Variants in PCDH11X observed in about 807,000 individuals in gnomAD.
PCDH11X encodes protocadherin-11 X-linked.
PCDH11X carries 18 observed loss-of-function variants against 53.3 expected under a neutral mutation model. The observed-to-expected ratio is 0.34, with a 90% confidence interval of 0.23 to 0.50. The LOEUF is 0.50. PCDH11X is among the 20% of genes least tolerant of loss of function. PCDH11X has a pLI of 0.98. For missense variants in PCDH11X, 570 were observed against 1,032.4 expected, an observed-to-expected ratio of 0.55 and a Z score of 6.14; for synonymous variants, 279 against 393.3, an observed-to-expected ratio of 0.71 and a Z score of 3.44.
At chrX:91,931,523 A>G (rs12833902) in intron 6 of PCDH11X, among the ~76,000 whole-genome samples, 19,035 of 110,184 alleles carry the variant, frequency 0.17, 1,234 homozygotes, top group East Asian at 0.24. Context: ...GTGGACACTG[A>G]CAGACTGCTC....
intron 9 of PCDH11X, among the ~76,000 whole-genome samples, chrX:92,422,134 C>CTTTTTTTTTTTTTTTTTTTTTTTTTTTT (rs67131959): frequency 1.2e-5 from 1 of 86,331 alleles, no homozygotes; most frequent in South Asian, 5.8e-4. Flanking sequence ...AATTTCTTTT[C>CTTTTTTTTTTTTTTTTTTTTTTTTTTTT]TTTTTTTTTT....
intron 9 of PCDH11X, among the ~76,000 whole-genome samples, chrX:92,457,837 T>G (rs920090619): frequency 9.4e-6 from 1 of 106,034 alleles, no homozygotes; most frequent in Non-Finnish European, 1.9e-5. Context: ...TTGAAATAAG[T>G]TCAAATTTTT....
intron 8 of PCDH11X, among the ~76,000 whole-genome samples, chrX:92,322,334 AT>A (rs2069234044): frequency 9.0e-6 from 1 of 111,085 alleles, no homozygotes; most frequent in East Asian, 2.9e-4. Context: ...ATTAACTGAT[AT>A]TGACTCAGTA....
At chrX:92,085,729 T>G (rs2063939682) in intron 6 of PCDH11X, among the ~76,000 whole-genome samples, 1 of 110,876 alleles carries the variant, frequency 9.0e-6, no homozygotes, top group African/African-American at 3.3e-5. Context: ...AAATAACACC[T>G]ATGCAAGAAA....
intron 8 of PCDH11X, among the ~76,000 whole-genome samples, chrX:92,316,793 T>G (rs2069086149): frequency 9.0e-6 from 1 of 110,629 alleles, no homozygotes; most frequent in African/African-American, 3.3e-5. Flanking sequence ...GGATTTAGAT[T>G]TGGTAGATTT....
chrX:91,806,814 C>T (rs1313579666), intron 1 of PCDH11X, among the ~76,000 whole-genome samples: 2 of 111,603 alleles, frequency 1.8e-5, no homozygotes, highest in African/African-American at 6.5e-5. Flanking sequence ...GTATCTACGC[C>T]ATCACATAGC....
intron 6 of PCDH11X, among the ~76,000 whole-genome samples, chrX:92,130,219 G>A (rs2064947025): frequency 9.0e-6 from 1 of 111,036 alleles, no homozygotes; most frequent in Non-Finnish European, 1.9e-5. Context: ...TTATTGTAAA[G>A]CATTTCACTT....
intron 7 of PCDH11X, among the ~76,000 whole-genome samples, chrX:92,211,001 A>G (rs2066575221): frequency 9.0e-6 from 1 of 111,073 alleles, no homozygotes; most frequent in African/African-American, 3.3e-5. Flanking sequence ...AACTGTTTCA[A>G]CCTCTGCCAG....
intron 6 of PCDH11X, among the ~76,000 whole-genome samples, chrX:91,922,718 G>A (rs904018680): frequency 1.5e-4 from 17 of 112,149 alleles, no homozygotes; most frequent in Non-Finnish European, 7.5e-5. Context: ...GTTTCATCCC[G>A]AAACCTACCT....
intron 5 of PCDH11X, among the ~76,000 whole-genome samples, chrX:91,861,683 T>C (rs1938683110): frequency 8.9e-6 from 1 of 111,937 alleles, no homozygotes. Flanking sequence ...TCTGCACAAT[T>C]CTGTGCTTGG....
At chrX:92,576,239 G>T (rs889910861) in intron 10 of PCDH11X, among the ~76,000 whole-genome samples, 1 of 98,428 alleles carries the variant, frequency 1.0e-5, no homozygotes, top group Non-Finnish European at 2.0e-5. Flanking sequence ...GTATATTTTT[G>T]GCAGATATAT....
intron 9 of PCDH11X, among the ~76,000 whole-genome samples, chrX:92,399,606 G>A (rs1199472547): frequency 8.9e-6 from 1 of 111,918 alleles, no homozygotes; most frequent in Non-Finnish European, 1.9e-5. Flanking sequence ...GTGCAGAAAA[G>A]CATTATAGAA....
intron 6 of PCDH11X, among the ~76,000 whole-genome samples, chrX:92,198,408 C>T (rs1217196695): frequency 3.8e-4 from 1 of 2,658 alleles, no homozygotes; most frequent in East Asian, 7.9e-3. Context: ...GAGATCCTGT[C>T]TCAAAAAAAA....
chrX:92,189,661 A>T (rs757197519), intron 6 of PCDH11X, among the ~76,000 whole-genome samples: 1 of 111,919 alleles, frequency 8.9e-6, no homozygotes, highest in Non-Finnish European at 1.9e-5. Flanking sequence ...CAATAGTTAA[A>T]CTAATTTGCA....
intron 6 of PCDH11X, among the ~76,000 whole-genome samples, chrX:91,997,162 G>A (rs1344979806): frequency 9.0e-6 from 1 of 111,341 alleles, no homozygotes; most frequent in Admixed American, 9.6e-5. Context: ...CATGTCACCT[G>A]CAAACACAGA....
intron 10 of PCDH11X, among the ~76,000 whole-genome samples, chrX:92,471,286 A>AGT (rs1383335407): frequency 2.8e-5 from 3 of 107,295 alleles, no homozygotes; most frequent in African/African-American, 1.0e-4. Flanking sequence ...AAGAGACCCC[A>AGT]GTGTGTGTTG....
chrX:92,608,921 T>C (rs895874329), intron 10 of PCDH11X, among the ~76,000 whole-genome samples: 2 of 110,746 alleles, frequency 1.8e-5, no homozygotes, highest in African/African-American at 6.6e-5. Flanking sequence ...AATTCCCAGC[T>C]CCTGGCGATC....
At chrX:92,073,570 A>G (rs895004783) in intron 6 of PCDH11X, among the ~76,000 whole-genome samples, 5 of 112,636 alleles carry the variant, frequency 4.4e-5, no homozygotes, top group Non-Finnish European at 1.9e-5. Flanking sequence ...CCTAATTTAT[A>G]TTCTCTAAAT....
chrX:91,856,775 A>G (rs1293545464), intron 5 of PCDH11X, among the ~76,000 whole-genome samples: 2 of 111,172 alleles, frequency 1.8e-5, no homozygotes, highest in African/African-American at 3.3e-5. Flanking sequence ...TGCAAAGGAC[A>G]TGATCTCATT....
Sources: allele counts gnomAD v4.1 joint callset (sites outside exome capture counted in the v4.1 genomes callset), GRCh38; gene constraint gnomAD v4.1.1; transcripts MANE v1.5; gene names NCBI Gene and HGNC (gene_info 2026-07-23, HGNC 2026-07-21).